The following RANBP17 variants were observed in gnomAD, a reference collection of about 807,000 sequenced individuals.
RANBP17 encodes the protein ran-binding protein 17.
Under a neutral mutation model 141.2 loss-of-function variants are expected in RANBP17, and 158 were observed. The ratio of observed to expected loss-of-function variants is 1.12; its 90% CI spans 0.98 to 1.28. RANBP17 has a LOEUF of 1.28. RANBP17 is among the 50% of genes most tolerant of loss of function. The pLI is 0.00. For synonymous variants in RANBP17, 430 were observed against 450.0 expected (o/e 0.96, Z 0.56); for missense variants, 1,438 against 1,290.7 (o/e 1.11, Z -1.75).
At chr5:171,023,195 C>T (rs150808792) in intron 14 of RANBP17, among the ~76,000 whole-genome samples, 7 of 152,318 alleles carry the variant, frequency 4.6e-5, no homozygotes, top group East Asian at 1.9e-4. Context: ...ACCCTCTGAA[C>T]GCCGCTGTTC....
At chr5:171,171,980 A>G (rs796096070) in intron 16 of RANBP17, among the ~76,000 whole-genome samples, 9 of 152,110 alleles carry the variant, frequency 5.9e-5, no homozygotes, top group African/African-American at 2.2e-4. Context: ...ACTAGAGAGA[A>G]TCATGTAGAT....
At chr5:171,058,884 G>A (rs245752) in intron 14 of RANBP17, among the ~76,000 whole-genome samples, 54,829 of 149,484 alleles carry the variant, frequency 0.37, 12,400 homozygotes, top group East Asian at 0.63. Flanking sequence ...TCTCATTGTG[G>A]TTTTGATTTG....
chr5:171,223,241 C>A (rs999865592), intron 22 of RANBP17, among the ~76,000 whole-genome samples: 1 of 152,104 alleles, frequency 6.6e-6, no homozygotes, highest in Non-Finnish European at 1.5e-5. Flanking sequence ...GAGAAAGCAC[C>A]TGTATAGGAC....
chr5:171,265,663 T>C lies in RANBP17; in HGVS notation c.2777-18T>C. 6.4e-7 allele frequency: 1 copy of C among 1,562,152 alleles called. No homozygotes were observed. The highest frequency in any genetic ancestry group is 8.7e-7 in the Non-Finnish European group (1 of 1,155,544). On this transcript the variant is annotated intron_variant, in intron 24 of 27. Transcript: ENST00000523189. ...AACTTAAGTAATGCAAATGAATTCT[T>C]ATTTACTATTTGTACAGATACAGTT...
chr5:171,231,100 C>CTTTTTTT (rs367751794), intron 22 of RANBP17, among the ~76,000 whole-genome samples: 1 of 120,052 alleles, frequency 8.3e-6, no homozygotes, highest in Non-Finnish European at 1.7e-5. Flanking sequence ...CCATGCCTGG[C>CTTTTTTT]TTTTTTTTTT....
chr5:171,151,871 G>C (rs75184585), intron 14 of RANBP17, among the ~76,000 whole-genome samples: 8 of 152,004 alleles, frequency 5.3e-5, no homozygotes, highest in Non-Finnish European at 8.8e-5. Context: ...GAGAGGGCTG[G>C]TTTTTCTGCA....
chr5:170,898,588 T>A lies in RANBP17; in HGVS notation c.489+2473T>A, dbSNP rs146077807. On this transcript the variant is annotated intron_variant, in intron 5 of 27. Transcript: ENST00000523189. Reference sequence around the variant, plus strand: ...GCCATTGCTTTTGGTGTTTTAGTCATGAATTCTTTGCCCATGCCTATGTCC... The same window carrying A: ...GCCATTGCTTTTGGTGTTTTAGTCAAGAATTCTTTGCCCATGCCTATGTCC... Among the ~76,000 whole-genome samples, 929 of 152,344 alleles carry A rather than the reference T, an allele frequency of 6.1e-3. 9 individuals carry two copies. Among genetic ancestry groups the A allele is most frequent in the African/African-American group, 0.021 (886 of 41,584 alleles).
intron 14 of RANBP17, among the ~76,000 whole-genome samples, chr5:171,042,903 T>C (rs2127637998): frequency 6.6e-6 from 1 of 152,302 alleles, no homozygotes; most frequent in Non-Finnish European, 1.5e-5. Context: ...CATAAAGTAT[T>C]TTCTGCAGTA....
intron 14 of RANBP17, among the ~76,000 whole-genome samples, chr5:171,069,520 ATCAT>A (rs1403982839): frequency 1.3e-5 from 2 of 152,216 alleles, no homozygotes; most frequent in Non-Finnish European, 2.9e-5. Flanking sequence ...TTGTTGTGTC[ATCAT>A]TTAGCCATTA....
At chr5:171,048,297 T>C (rs1193590323) in intron 14 of RANBP17, among the ~76,000 whole-genome samples, 1 of 152,180 alleles carries the variant, frequency 6.6e-6, no homozygotes, top group African/African-American at 2.4e-5. Flanking sequence ...TGGACTCAAG[T>C]GATCCTCCTA....
At chr5:171,015,818 T>C (rs1444688201) in intron 14 of RANBP17, among the ~76,000 whole-genome samples, 1 of 152,182 alleles carries the variant, frequency 6.6e-6, no homozygotes, top group East Asian at 1.9e-4. Flanking sequence ...TCTTTCTTAG[T>C]ACTTGATGCA....
intron 14 of RANBP17, among the ~76,000 whole-genome samples, chr5:171,050,127 C>T (rs929836768): frequency 2.6e-5 from 4 of 152,056 alleles, no homozygotes; most frequent in Non-Finnish European, 5.9e-5. Context: ...TTGTGTCACT[C>T]TGATTTCTCT....
intron 14 of RANBP17, among the ~76,000 whole-genome samples, chr5:171,070,784 T>C (rs1784587960): frequency 6.6e-6 from 1 of 152,138 alleles, no homozygotes; most frequent in Non-Finnish European, 1.5e-5. Flanking sequence ...TGTTCTCTGC[T>C]ATATGGAGAC....
intron 27 of RANBP17, among the ~76,000 whole-genome samples, chr5:171,298,273 A>G (rs1398832320): frequency 6.6e-6 from 1 of 152,084 alleles, no homozygotes; most frequent in Non-Finnish European, 1.5e-5. Context: ...TAGGATTTGA[A>G]CCCAGGTAGT....
intron 11 of RANBP17, among the ~76,000 whole-genome samples, chr5:170,922,447 T>A (rs1418859988): frequency 1.3e-5 from 2 of 152,192 alleles, no homozygotes; most frequent in Admixed American, 6.5e-5. Context: ...AGGTGGAATC[T>A]ACAGAGGCTG....
chr5:171,265,864 C>A lies in RANBP17; in HGVS notation c.2943+17C>A. ...CTGCAGCAGGTAACTGGTGGTTGAT[C>A]ACCTGGCTTAAGAAACAAGTGTTCC... is the stretch of plus-strand genomic sequence containing the variant. On this transcript the variant is annotated intron_variant, in intron 25 of 27. Transcript: ENST00000523189. 6.2e-7 allele frequency: 1 copy of A among 1,607,914 alleles called. No individual in the cohort carries two copies. The highest frequency in any genetic ancestry group is 8.5e-7 in the Non-Finnish European group (1 of 1,176,976).
chr5:171,132,638 T>A (rs1425890463), intron 14 of RANBP17, among the ~76,000 whole-genome samples: 2 of 152,026 alleles, frequency 1.3e-5, no homozygotes, highest in South Asian at 4.2e-4. Context: ...AGGAGAATCC[T>A]TTTAGCCTTA....
chr5:171,101,522 A>T (rs918460248), intron 14 of RANBP17, among the ~76,000 whole-genome samples: 1 of 152,182 alleles, frequency 6.6e-6, no homozygotes, highest in Admixed American at 6.5e-5. Flanking sequence ...TCCTGAATAC[A>T]GCACACTGAT....
chr5:170,892,132 T>TC (rs1769678144), intron 3 of RANBP17, among the ~76,000 whole-genome samples: 2 of 17,320 alleles, frequency 1.2e-4, no homozygotes, highest in African/African-American at 3.1e-4. Context: ...CAAAATTCTT[T>TC]TTTTTTTTTT....
Sources: gnomAD v4.1 joint callset for allele counts (sites outside exome capture counted in the v4.1 genomes callset) on GRCh38, gnomAD v4.1.1 for gene constraint, MANE v1.5 for transcripts, NCBI Gene and HGNC (gene_info 2026-07-23, HGNC 2026-07-21) for gene names.